LRP1B: variants seen among roughly 807,000 people sequenced by gnomAD.
LRP1B encodes LDL receptor related protein 1B.
LRP1B carries 217 observed loss-of-function variants against 556.6 expected under a neutral mutation model. The observed-to-expected ratio is 0.39, with a 90% CI of 0.35 to 0.44. The LOEUF (loss-of-function observed/expected upper bound fraction) is 0.44, where lower values mean the gene tolerates loss of function less well. Ranked by LOEUF, LRP1B falls within the 20% of genes least tolerant of loss-of-function variation. The pLI, the probability that LRP1B is intolerant of heterozygous loss-of-function variation, is 1.00. For synonymous variants in LRP1B, 2,047 were observed against 1,865.8 expected (o/e 1.10, Z -2.50); for missense variants, 5,053 against 5,620.8 (o/e 0.90, Z 3.23).
chr2:140,321,411 C>A (rs939844493), intron 82 of LRP1B, among the ~76,000 whole-genome samples: 1 of 147,746 alleles, frequency 6.8e-6, no homozygotes, highest in African/African-American at 2.4e-5. Flanking sequence ...CCTTCATCAG[C>A]CCTCATAATT....
chr2:140,886,209 T>A lies in LRP1B; in HGVS notation c.3893A>T (p.Asn1298Ile), dbSNP rs141262543. The A allele has an allele frequency of 6.2e-7, 1 of 1,611,808 alleles. No individual in the cohort carries two copies. Among genetic ancestry groups the A allele is most frequent in the Non-Finnish European group, 8.5e-7 (1 of 1,178,444 alleles). ...RNTIALDFHF[N>I]QSLLYWTDVV... The stretch of plus-strand genomic sequence containing the variant: ...ATCTGTCCAATAAAGTAAACTTTGA[T>A]TGAAGTGAAAATCAAGTGCTATTGT... The change falls in exon 24 of 91, where the codon AAT (asparagine) becomes ATT (isoleucine). Residue 1298 changes from asparagine to isoleucine, a missense_variant. By Grantham distance (149) the Asn-to-Ile change is moderately radical. Around this residue, in one of 5 missense-constraint regions of LRP1B, gnomAD observed 3,619 missense variants for 3,931.9 expected, o/e 0.92. Transcript: ENST00000389484.
At chr2:140,319,536 A>G (rs13022878) in intron 82 of LRP1B, among the ~76,000 whole-genome samples, 44,222 of 152,010 alleles carry the variant, frequency 0.29, 7,862 homozygotes, top group Non-Finnish European at 0.4. Flanking sequence ...AAAACCAAAT[A>G]CCACATGTTC....
intron 1 of LRP1B, among the ~76,000 whole-genome samples, chr2:141,968,822 C>G (rs754435243): frequency 1.3e-5 from 2 of 151,774 alleles, no homozygotes; most frequent in Non-Finnish European, 3.0e-5. Context: ...ATTTTCAACA[C>G]CACTGTTTAA....
intron 1 of LRP1B, among the ~76,000 whole-genome samples, chr2:141,957,788 G>A (rs1701299589): frequency 6.6e-6 from 1 of 151,986 alleles, no homozygotes; most frequent in Non-Finnish European, 1.5e-5. Context: ...GTGAAATTGT[G>A]GTGTGACAAA....
In LRP1B at chr2:140,795,567, C is replaced by T. The variant is rs16844744; in HGVS notation, c.5359+18090G>A. Reference sequence around the variant, plus strand: ...TTTTCTTACACCATATCAGATAACGCTGATACTGATTATGAAAAGAGAGAA... The same window carrying T: ...TTTTCTTACACCATATCAGATAACGTTGATACTGATTATGAAAAGAGAGAA... On this transcript the variant is annotated intron_variant, in intron 32 of 90. Transcript: ENST00000389484. Among the ~76,000 whole-genome samples the T allele has an allele frequency of 2.0e-5, 3 of 152,132 alleles. No individual in the cohort carries two copies. The East Asian group carries it at 5.8e-4, about 29-fold the overall frequency.
chr2:141,282,017 A>AAT (rs1267192886), intron 3 of LRP1B, among the ~76,000 whole-genome samples: 3 of 152,086 alleles, frequency 2.0e-5, no homozygotes, highest in Admixed American at 1.3e-4. Context: ...CTTTTCTAAA[A>AAT]ATATATATTT....
chr2:142,115,631 ATT>A lies in LRP1B; in HGVS notation c.82+15015_82+15016del, dbSNP rs1491111847. ...TATATTATATATATGTAATATATAT[ATT>A]ATATATGTAATATATATATTATATG... On this transcript the variant is annotated intron_variant, in intron 1 of 90. Coordinates refer to ENST00000389484, the MANE Select transcript of LRP1B (RefSeq NM_018557.3). Among the ~76,000 whole-genome samples the A allele has an allele frequency of 6.6e-4, 22 of 33,444 alleles. 5 individuals carry two copies. Among genetic ancestry groups the A allele is most frequent in the African/African-American group, 2.1e-3 (21 of 10,102 alleles). The allele number at this position is 33,444 out of a possible 152,430, so 21.9% of individuals were successfully genotyped here. A position where few individuals can be genotyped will look rare whatever the true frequency, so the allele number is the denominator to read the frequency against.
chr2:140,379,822 G>A (rs901322403), intron 67 of LRP1B, among the ~76,000 whole-genome samples: 3 of 152,090 alleles, frequency 2.0e-5, no homozygotes, highest in African/African-American at 4.8e-5. Context: ...AGACCTTCAC[G>A]GTATAAGACA....
chr2:140,601,802 G>A (rs1682683442), intron 41 of LRP1B, among the ~76,000 whole-genome samples, 163 bp from the exon 42 acceptor site: 1 of 151,986 alleles, frequency 6.6e-6, no homozygotes, highest in Non-Finnish European at 1.5e-5. Flanking sequence ...ACCTACAATT[G>A]ACAGCTTATT....
At chr2:141,331,147 A>C (rs1315350848) in intron 3 of LRP1B, among the ~76,000 whole-genome samples, 2 of 151,998 alleles carry the variant, frequency 1.3e-5, no homozygotes, top group Admixed American at 1.3e-4. Context: ...GGCTGGTTTA[A>C]CGTGTAGCCT....
chr2:141,026,980 C>T (rs1022537838), intron 11 of LRP1B, among the ~76,000 whole-genome samples: 4 of 152,040 alleles, frequency 2.6e-5, no homozygotes, highest in African/African-American at 9.7e-5. Context: ...AAATTTAACT[C>T]ATGTTCTAAT....
At chr2:140,859,185 C>A (rs2105136979) in intron 27 of LRP1B, among the ~76,000 whole-genome samples, 1 of 152,138 alleles carries the variant, frequency 6.6e-6, no homozygotes, top group African/African-American at 2.4e-5. Context: ...TTGAGATTCA[C>A]CTCCACCATG....
chr2:141,829,407 A>T (rs1697039375), intron 1 of LRP1B, among the ~76,000 whole-genome samples: 1 of 152,128 alleles, frequency 6.6e-6, no homozygotes, highest in African/African-American at 2.4e-5. Flanking sequence ...TTCCAAAAAA[A>T]AATTCTGCTG....
chr2:141,802,016 C>T (rs1284724077), intron 2 of LRP1B, among the ~76,000 whole-genome samples: 2 of 152,186 alleles, frequency 1.3e-5, no homozygotes, highest in East Asian at 3.9e-4. Flanking sequence ...AGTCCAAGAT[C>T]AAGAAATCTA....
chr2:140,817,653 G>T (rs1176492991), intron 31 of LRP1B, among the ~76,000 whole-genome samples: 1 of 151,756 alleles, frequency 6.6e-6, no homozygotes, highest in Non-Finnish European at 1.5e-5. Context: ...ATATATTACT[G>T]AAAAAATTAA....
rs56040453 is a variant in LRP1B, at chr2:140,554,884, G to GTGTGTA, written c.7195-12914_7195-12913insTACACA. 2.1e-4 allele frequency among the ~76,000 whole-genome samples: 31 copies of GTGTGTA among 148,658 alleles called. 1 individual carries two copies. The highest frequency in any genetic ancestry group is 1.3e-3 in the South Asian group (6 of 4,688). On this transcript the variant is annotated intron_variant, in intron 43 of 90. Coordinates refer to ENST00000389484, the MANE Select transcript of LRP1B (RefSeq NM_018557.3). ...TGTGTGTGTGTGTGTGTGTGTGTGT[G>GTGTGTA]TATATGTATATGAACTACTAGCTAG...
intron 7 of LRP1B, among the ~76,000 whole-genome samples, chr2:141,161,339 C>T (rs10180339): frequency 1.3e-5 from 2 of 151,890 alleles, no homozygotes; most frequent in African/African-American, 4.8e-5. Flanking sequence ...AAACAAAAAA[C>T]GATGAGCAAA....
Position 140,274,589 on chromosome 2 carries a change from T to C in LRP1B, c.12977A>G (p.His4326Arg), listed in dbSNP as rs2104952743. ...TGDRCQYYVCHHYCVNSESCT... is the reference protein window; with the variant it reads ...TGDRCQYYVCRHYCVNSESCT... ...TGATTCAGAATTCACACAATAGTGG[T>C]GGCACACGTCTAGGAAAAAAAGGCA... Residue 4326 changes from histidine (H) to arginine (R), a missense_variant, in exon 85 of 91, where the codon CAC (histidine) becomes CGC (arginine). This residue lies in a region of LRP1B where 551 missense variants were observed against 592.0 expected (regional missense o/e 0.93). Coordinates refer to ENST00000389484, the MANE Select transcript of LRP1B (RefSeq NM_018557.3). The C allele has an allele frequency of 6.2e-7, 1 of 1,609,986 alleles. No individual in the cohort carries two copies. The highest frequency in any genetic ancestry group is 8.5e-7 in the Non-Finnish European group (1 of 1,177,942).
intron 7 of LRP1B, among the ~76,000 whole-genome samples, chr2:141,119,095 G>A (rs950398680): frequency 1.3e-5 from 2 of 151,856 alleles, no homozygotes; most frequent in African/African-American, 2.4e-5. Flanking sequence ...TTAATTTTGT[G>A]TTTTACACTC....
Sources: allele counts gnomAD v4.1 joint callset (sites outside exome capture counted in the v4.1 genomes callset), GRCh38; gene constraint gnomAD v4.1.1; regional missense constraint gnomAD v4.1.1; transcripts MANE v1.5; gene names NCBI Gene and HGNC (gene_info 2026-07-23, HGNC 2026-07-21).